The following SNTG1 variants were observed in gnomAD, a reference collection of about 807,000 sequenced individuals.
SNTG1 encodes gamma-1-syntrophin.
SNTG1 carries 39 observed loss-of-function variants against 74.7 expected under a neutral mutation model. The observed-to-expected ratio is 0.52, with a 90% CI of 0.40 to 0.68. The LOEUF is 0.68. Among genes scored for constraint, SNTG1 ranks in the 30% least tolerant of loss-of-function variants. SNTG1 has a pLI of 0.00. For synonymous variants in SNTG1, 254 were observed against 217.1 expected (o/e 1.17, Z -1.49); for missense variants, 685 against 609.5 (o/e 1.12, Z -1.30).
chr8:50,013,642 T>C (rs1298553540), intron 1 of SNTG1, among the ~76,000 whole-genome samples: 1 of 152,036 alleles, frequency 6.6e-6, no homozygotes, highest in Non-Finnish European at 1.5e-5. Flanking sequence ...ATTTTACATA[T>C]CTGTGGGATA....
chr8:50,070,610 A>G (rs900640092), intron 1 of SNTG1, among the ~76,000 whole-genome samples: 5 of 152,252 alleles, frequency 3.3e-5, no homozygotes, highest in African/African-American at 9.6e-5. Context: ...TTTGAAATTG[A>G]AATGAAAAAT....
At chr8:50,451,435 ACTG>A (rs1180858030) in intron 8 of SNTG1, among the ~76,000 whole-genome samples, 1 of 151,942 alleles carries the variant, frequency 6.6e-6, no homozygotes, top group African/African-American at 2.4e-5. Context: ...GCATATAAAG[ACTG>A]CGTGTGTGTG....
At chr8:50,040,123 A>ACT (rs1818511071) in intron 1 of SNTG1, among the ~76,000 whole-genome samples, 1 of 152,108 alleles carries the variant, frequency 6.6e-6, no homozygotes, top group African/African-American at 2.4e-5. Flanking sequence ...AGGAGTTTAG[A>ACT]ACACCACTGA....
chr8:50,252,262 A>G (rs2086676889), intron 2 of SNTG1, among the ~76,000 whole-genome samples: 1 of 152,126 alleles, frequency 6.6e-6, no homozygotes, highest in South Asian at 2.1e-4. Context: ...AACAAGAAAA[A>G]TATTTATAAT....
Position 50,277,131 on chromosome 8 carries a change from G to A in SNTG1, c.-28+104496G>A, listed in dbSNP as rs189575515. ...GCGTGAGCCACAGCACCTGGCCAAA[G>A]TGGTGCATTTTTGTAGTTCCAGCTA... On this transcript the variant is annotated intron_variant, in intron 2 of 18. Transcript: ENST00000642720. 1.6e-3 allele frequency among the ~76,000 whole-genome samples: 247 copies of A among 152,090 alleles called. 2 individuals are homozygous for A. The highest frequency in any genetic ancestry group is 0.014 in the Middle Eastern group (4 of 294).
At chr8:50,592,676 C>T (rs954494884) in intron 13 of SNTG1, among the ~76,000 whole-genome samples, 5 of 152,136 alleles carry the variant, frequency 3.3e-5, no homozygotes, top group African/African-American at 9.7e-5. Flanking sequence ...TAGTATTCAT[C>T]ATTTTTATTT....
intron 13 of SNTG1, among the ~76,000 whole-genome samples, chr8:50,595,791 C>T (rs568389435): frequency 4.6e-5 from 7 of 151,898 alleles, no homozygotes; most frequent in Non-Finnish European, 7.4e-5. Context: ...CATTTAGCAG[C>T]GTGCATCAAT....
intron 8 of SNTG1, among the ~76,000 whole-genome samples, chr8:50,496,628 T>C: frequency 6.6e-6 from 1 of 152,198 alleles, no homozygotes; most frequent in East Asian, 1.9e-4. Flanking sequence ...GTTCATGAAC[T>C]GAGTCATTAG....
At chr8:50,658,753 T>C in intron 15 of SNTG1, 90 bp downstream of exon 15, 1 of 783,898 alleles carries the variant, frequency 1.3e-6, no homozygotes, top group Non-Finnish European at 2.1e-6. Flanking sequence ...AACAAATCAT[T>C]CATGGAATGA....
intron 1 of SNTG1, among the ~76,000 whole-genome samples, chr8:49,994,932 T>C (rs1486505181): frequency 6.6e-6 from 1 of 152,156 alleles, no homozygotes; most frequent in Non-Finnish European, 1.5e-5. Context: ...ATGGGTCTTA[T>C]AATTAACAGA....
chr8:50,035,493 G>T (rs1482129610), intron 1 of SNTG1, among the ~76,000 whole-genome samples: 1 of 152,114 alleles, frequency 6.6e-6, no homozygotes, highest in African/African-American at 2.4e-5. Context: ...GATGGCACAT[G>T]AGCAAAAATG....
chr8:50,153,403 G>A (rs898422638), intron 1 of SNTG1, among the ~76,000 whole-genome samples: 1 of 152,092 alleles, frequency 6.6e-6, no homozygotes, highest in Non-Finnish European at 1.5e-5. Context: ...CTCTCAACTC[G>A]TCAGCATCAT....
In SNTG1 at chr8:50,590,875, G is replaced by A; in HGVS notation, c.811-4G>A. On this transcript the variant is annotated splice_polypyrimidine_tract_variant and splice_region_variant and intron_variant, in intron 12 of 18. Transcript: ENST00000642720. ...TCACTTTTATTATTTATTTATCATT[G>A]CAGATTAAAAAAATCAACAGAAACT... is the stretch of plus-strand genomic sequence containing the variant. 6.5e-7 allele frequency: 1 copy of A among 1,545,654 alleles called. No individual in the cohort carries two copies.
At chr8:50,783,425 C>T (rs926369845) in intron 18 of SNTG1, among the ~76,000 whole-genome samples, 1 of 152,224 alleles carries the variant, frequency 6.6e-6, no homozygotes, top group Admixed American at 6.5e-5. Context: ...CCCAGCCTCA[C>T]TGCTGCCTTG....
At chr8:50,665,152 G>GA (rs1462744636) in intron 15 of SNTG1, among the ~76,000 whole-genome samples, 1 of 151,994 alleles carries the variant, frequency 6.6e-6, no homozygotes, top group Non-Finnish European at 1.5e-5. Flanking sequence ...ATCATTTTTA[G>GA]AAAAAAGGAG....
At chr8:50,405,078 C>T (rs181040326) in intron 4 of SNTG1, among the ~76,000 whole-genome samples, 259 of 152,140 alleles carry the variant, frequency 1.7e-3, no homozygotes, top group Non-Finnish European at 2.6e-3. Flanking sequence ...AGGTTGTTTC[C>T]ACCTTGGCTT....
chr8:50,391,284 C>A (rs1324347627), intron 2 of SNTG1, among the ~76,000 whole-genome samples: 1 of 152,128 alleles, frequency 6.6e-6, no homozygotes, highest in East Asian at 1.9e-4. Context: ...GCGTGAAGGA[C>A]TGTTGAATTT....
chr8:50,413,685 C>T (rs2092979116), intron 4 of SNTG1, among the ~76,000 whole-genome samples: 1 of 152,116 alleles, frequency 6.6e-6, no homozygotes, highest in African/African-American at 2.4e-5. Context: ...GTGTTCTTTC[C>T]TTCAGTAACA....
At chr8:50,118,090 C>T (rs1264921831) in intron 1 of SNTG1, among the ~76,000 whole-genome samples, 1 of 152,122 alleles carries the variant, frequency 6.6e-6, no homozygotes, top group Admixed American at 6.6e-5. Context: ...TATGAACAAT[C>T]TATTTGATAA....
Sources: gnomAD v4.1 joint callset for allele counts (sites outside exome capture counted in the v4.1 genomes callset) on GRCh38, gnomAD v4.1.1 for gene constraint, MANE v1.5 for transcripts, NCBI Gene and HGNC (gene_info 2026-07-23, HGNC 2026-07-21) for gene names.